The following STPG2 variants were observed in gnomAD, a reference collection of about 807,000 sequenced individuals.
STPG2 encodes the protein sperm-tail PG-rich repeat-containing protein 2.
STPG2 carries 56 observed loss-of-function variants against 54.2 expected under a neutral mutation model. The ratio of observed to expected loss-of-function variants is 1.03; its 90% CI spans 0.83 to 1.29. STPG2 has a LOEUF of 1.29. Ranked by LOEUF, STPG2 falls within the 50% of genes most tolerant of loss-of-function variation. STPG2 has a pLI of 0.00. For synonymous variants in STPG2, 200 were observed against 181.8 expected (o/e 1.10, Z -0.81); for missense variants, 596 against 544.9 (o/e 1.09, Z -0.93).
chr4:98,049,323 C>A (rs1358147681), intron 5 of STPG2, among the ~76,000 whole-genome samples: 3 of 152,114 alleles, frequency 2.0e-5, no homozygotes, highest in Non-Finnish European at 4.4e-5. Flanking sequence ...AATTACTTAA[C>A]CTGCATGAGC....
At chr4:97,861,603 C>T (rs376027698) in intron 8 of STPG2, among the ~76,000 whole-genome samples, 41 of 152,102 alleles carry the variant, frequency 2.7e-4, no homozygotes, top group Non-Finnish European at 5.3e-4. Flanking sequence ...AAGCAACTTA[C>T]GCGTCCATCA....
At chr4:97,867,106 T>TTGATCCA (rs1560562836) in intron 8 of STPG2, among the ~76,000 whole-genome samples, 1 of 151,992 alleles carries the variant, frequency 6.6e-6, no homozygotes, top group Non-Finnish European at 1.5e-5. Flanking sequence ...AATCTGTTTA[T>TTGATCCA]TGATCCATTT....
chr4:98,080,266 C>CT (rs917612989), intron 5 of STPG2, among the ~76,000 whole-genome samples: 5 of 149,570 alleles, frequency 3.3e-5, no homozygotes, highest in African/African-American at 4.9e-5. Context: ...CTTTATTTAC[C>CT]TTTTTTTTTA....
intron 5 of STPG2, among the ~76,000 whole-genome samples, chr4:98,023,676 C>T (rs1021281792): frequency 6.6e-6 from 1 of 152,168 alleles, no homozygotes; most frequent in South Asian, 2.1e-4. Context: ...CTGTGGTGGG[C>T]TCCACCCAGT....
chr4:97,760,124 G>T (rs990904913), intron 9 of STPG2, among the ~76,000 whole-genome samples: 4 of 151,952 alleles, frequency 2.6e-5, no homozygotes. Context: ...ATTGATTTTC[G>T]CACATCTAAA....
intron 4 of STPG2, among the ~76,000 whole-genome samples, chr4:97,448,766 T>A (rs993710354): frequency 6.6e-6 from 1 of 152,162 alleles, no homozygotes; most frequent in African/African-American, 2.4e-5. Context: ...TTTTGCCTCC[T>A]TGGTGTTTTT....
chr4:97,541,226 A>G (rs878885118), intron 4 of STPG2, among the ~76,000 whole-genome samples: 10 of 152,136 alleles, frequency 6.6e-5, no homozygotes, highest in Middle Eastern at 3.4e-3. Context: ...AAACCCCATC[A>G]TCTCAGCCCA....
intron 5 of STPG2, among the ~76,000 whole-genome samples, chr4:98,089,989 C>T (rs960208175): frequency 7.2e-5 from 11 of 151,932 alleles, no homozygotes; most frequent in Admixed American, 7.2e-4. Flanking sequence ...TTTTCTCCCA[C>T]CCTGTGGGTT....
chr4:98,063,883 A>T (rs1043304590), intron 5 of STPG2, among the ~76,000 whole-genome samples: 5 of 151,966 alleles, frequency 3.3e-5, no homozygotes, highest in East Asian at 1.9e-4. Flanking sequence ...CTACAAAAAA[A>T]ATATATTTTT....
chr4:97,844,541 A>G (rs929731123), intron 8 of STPG2, among the ~76,000 whole-genome samples: 3 of 152,020 alleles, frequency 2.0e-5, no homozygotes, highest in Non-Finnish European at 2.9e-5. Flanking sequence ...GAAGCCTACA[A>G]TTAGTGATAC....
chr4:98,076,636 CAATCCTCAT>C (rs2110112161), intron 5 of STPG2, among the ~76,000 whole-genome samples: 1 of 152,196 alleles, frequency 6.6e-6, no homozygotes, highest in Admixed American at 6.5e-5. Flanking sequence ...TCAAACTAGT[CAATCCTCAT>C]GTTCCCTGCT....
intron 10 of STPG2, among the ~76,000 whole-genome samples, chr4:97,669,802 CAAAA>C (rs1292978345): frequency 4.6e-5 from 1 of 21,768 alleles, no homozygotes. Context: ...GACTCCGTCT[CAAAA>C]AAAAAAAAAA....
chr4:97,710,266 G>C (rs893340450), intron 10 of STPG2, among the ~76,000 whole-genome samples: 1 of 151,946 alleles, frequency 6.6e-6, no homozygotes, highest in Non-Finnish European at 1.5e-5. Flanking sequence ...GGCAAAGTAA[G>C]ATATATTCCA....
intron 9 of STPG2, among the ~76,000 whole-genome samples, chr4:97,731,624 G>T (rs777549292): frequency 9.2e-5 from 14 of 152,178 alleles, no homozygotes; most frequent in African/African-American, 3.4e-4. Context: ...TGCCTGGGCT[G>T]TTAGGTGTTC....
intron 6 of STPG2, among the ~76,000 whole-genome samples, chr4:97,973,555 C>G (rs558458782): frequency 2.6e-4 from 40 of 152,342 alleles, no homozygotes; most frequent in Non-Finnish European, 4.0e-4. Flanking sequence ...ATCCCCAAGA[C>G]AATGGGAAAA....
At chr4:97,736,220 T>C (rs1724984380) in intron 9 of STPG2, among the ~76,000 whole-genome samples, 1 of 152,006 alleles carries the variant, frequency 6.6e-6, no homozygotes, top group South Asian at 2.1e-4. Context: ...TTCAGAAAGG[T>C]GATAGCAGCC....
chr4:97,851,765 A>C (rs1729164994), intron 8 of STPG2, among the ~76,000 whole-genome samples: 1 of 152,144 alleles, frequency 6.6e-6, no homozygotes, highest in South Asian at 2.1e-4. Context: ...TCTCTTTGCT[A>C]TCAAAAAGTA....
At chr4:97,585,942 T>C (rs916740996) in intron 10 of STPG2, among the ~76,000 whole-genome samples, 1 of 151,732 alleles carries the variant, frequency 6.6e-6, no homozygotes, top group Non-Finnish European at 1.5e-5. Context: ...TAAGATATAA[T>C]TAAAAATCGC....
intron 10 of STPG2, among the ~76,000 whole-genome samples, chr4:97,568,903 T>TTTG (rs1287360388): frequency 6.6e-6 from 1 of 150,966 alleles, no homozygotes; most frequent in African/African-American, 2.5e-5. Context: ...TTGTTTTGTT[T>TTTG]TTTTTTTTGT....
Sources: gnomAD v4.1 joint callset for allele counts (sites outside exome capture counted in the v4.1 genomes callset) on GRCh38, gnomAD v4.1.1 for gene constraint, MANE v1.5 for transcripts, NCBI Gene and HGNC (gene_info 2026-07-23, HGNC 2026-07-21) for gene names.